C17orf78: variants seen among roughly 807,000 people sequenced by gnomAD.
The protein encoded by C17orf78 is uncharacterized protein C17orf78.
A neutral mutation model predicts 31.8 loss-of-function variants in C17orf78; 27 were observed. The ratio of observed to expected loss-of-function variants is 0.85; its 90% CI spans 0.63 to 1.17. The LOEUF is 1.17. Ranked by LOEUF, C17orf78 falls within the 50% of genes most tolerant of loss-of-function variation. C17orf78 has a pLI of 0.00. For missense variants in C17orf78, 258 were observed against 315.2 expected, an observed-to-expected ratio of 0.82 and a Z score of 1.37; for synonymous variants, 106 against 115.1, an observed-to-expected ratio of 0.92 and a Z score of 0.51.
At chr17:37,383,930 C>A (rs2050414700) in intron 3 of C17orf78, among the ~76,000 whole-genome samples, 1 of 152,160 alleles carries the variant, frequency 6.6e-6, no homozygotes, top group African/African-American at 2.4e-5. Flanking sequence ...GAATTTAAAT[C>A]TCCACTCAAT....
At chr17:37,379,619 T>A (rs886682844) in intron 3 of C17orf78, among the ~76,000 whole-genome samples, 1 of 151,924 alleles carries the variant, frequency 6.6e-6, no homozygotes, top group African/African-American at 2.4e-5. Context: ...GCAAAGGACA[T>A]GAACAGACAC....
At chr17:37,385,958 G>T (rs1290948398) in intron 3 of C17orf78, 51 bp from the exon 4 acceptor site, 3 of 1,248,378 alleles carry the variant, frequency 2.4e-6, no homozygotes, top group Non-Finnish European at 3.4e-6. Context: ...AAAACCAAAG[G>T]CAGGATAAAG....
chr17:37,381,840 G>A lies in C17orf78; in HGVS notation c.391+2458G>A, dbSNP rs1053573394. Among the ~76,000 whole-genome samples the A allele has an allele frequency of 3.3e-5, 5 of 151,562 alleles. No homozygotes were observed. The South Asian group carries it at 1.0e-3, about 31-fold the overall frequency. On this transcript the variant is annotated intron_variant, in intron 3 of 6. Coordinates refer to ENST00000615133, the MANE Select transcript of C17orf78 (RefSeq NM_173625.5). Reference sequence around the variant, plus strand: ...GATGGGGTTTCACCGTGTTGGCCAGGATGGTCTCGATCGCCTGACCTTGTG... The same window carrying A: ...GATGGGGTTTCACCGTGTTGGCCAGAATGGTCTCGATCGCCTGACCTTGTG...
At chr17:37,381,367 G>A (rs922891693) in intron 3 of C17orf78, among the ~76,000 whole-genome samples, 1 of 151,802 alleles carries the variant, frequency 6.6e-6, no homozygotes, top group African/African-American at 2.4e-5. Context: ...TGTATTTTTA[G>A]TAGAGACAAG....
chr17:37,380,628 C>T (rs1471003893), intron 3 of C17orf78, among the ~76,000 whole-genome samples: 1 of 151,756 alleles, frequency 6.6e-6, no homozygotes. Flanking sequence ...GATGGTGTCT[C>T]GTTCTGTCAC....
At chr17:37,380,650 T>C (rs1173242338) in intron 3 of C17orf78, among the ~76,000 whole-genome samples, 2 of 152,032 alleles carry the variant, frequency 1.3e-5, no homozygotes, top group Non-Finnish European at 2.9e-5. Context: ...CAGGTTGGAG[T>C]CCAGTGGTGC....
Position 37,391,680 on chromosome 17 carries a change from A to G in C17orf78, c.784A>G (p.Lys262Glu), listed in dbSNP as rs763731731. 3.1e-6 allele frequency: 5 copies of G among 1,613,952 alleles called. No homozygotes were observed. The South Asian group carries it at 3.3e-5, about 11-fold the overall frequency. ...AGATGCTGCCAATTCATCAAACCCAAAGAAAGCTGCAGAGATCACTGTTAT... is the reference window on the plus strand; with the variant it reads ...AGATGCTGCCAATTCATCAAACCCAGAGAAAGCTGCAGAGATCACTGTTAT... ...GQDAANSSNPKKAAEITVIHQ... is the reference protein window; with the variant it reads ...GQDAANSSNPEKAAEITVIHQ... Residue 262 changes from lysine (K) to glutamate (E), a missense_variant, in exon 7 of 7, where the codon AAG becomes GAG. By Grantham distance (56) the Lys-to-Glu change is moderately conservative. Coordinates refer to ENST00000615133, the MANE Select transcript of C17orf78 (RefSeq NM_173625.5).
chr17:37,390,312 A>ATTATATAT (rs1568096142), intron 6 of C17orf78, among the ~76,000 whole-genome samples: 1 of 42,908 alleles, frequency 2.3e-5, no homozygotes, highest in Non-Finnish European at 3.5e-5. Flanking sequence ...AATTATATAT[A>ATTATATAT]TATATATATA....
intron 1 of C17orf78, among the ~76,000 whole-genome samples, chr17:37,376,794 A>C (rs1410240614): frequency 6.6e-6 from 1 of 152,150 alleles, no homozygotes; most frequent in South Asian, 2.1e-4. Context: ...ATCTCTACTA[A>C]AAGTGCAAAA....
At chr17:37,380,332 G>A (rs895689221) in intron 3 of C17orf78, among the ~76,000 whole-genome samples, 3 of 150,862 alleles carry the variant, frequency 2.0e-5, no homozygotes, top group East Asian at 2.0e-4. Context: ...GCTAGATGAC[G>A]AGTTAGTGGG....
chr17:37,377,121 T>G (rs1425251332), intron 1 of C17orf78, among the ~76,000 whole-genome samples: 1 of 152,160 alleles, frequency 6.6e-6, no homozygotes, highest in Non-Finnish European at 1.5e-5. Context: ...TGTGGAAACC[T>G]ATAGAGATAC....
At chr17:37,385,963 A>G (rs199711693) in intron 3 of C17orf78, 46 bp from the exon 4 acceptor site, 2 of 1,311,958 alleles carry the variant, frequency 1.5e-6, no homozygotes, top group Non-Finnish European at 2.1e-6. Flanking sequence ...CAAAGGCAGG[A>G]TAAAGTTTTC....
chr17:37,388,654 C>A lies in C17orf78; in HGVS notation c.509-16C>A. 6.2e-7 allele frequency: 1 copy of A among 1,609,854 alleles called. No homozygotes were observed. The highest frequency in any genetic ancestry group is 1.1e-5 in the South Asian group (1 of 90,376). On this transcript the variant is annotated splice_polypyrimidine_tract_variant and intron_variant, in intron 4 of 6. Transcript: ENST00000615133. Reference sequence around the variant, plus strand: ...AATTTTCTTTTCTCCCTCTTCCACTCCCCTCTCTCCTTTAGACACAGATGA... The same window carrying A: ...AATTTTCTTTTCTCCCTCTTCCACTACCCTCTCTCCTTTAGACACAGATGA...
rs1386032855 is a variant in C17orf78, at chr17:37,390,330, A to ATATATATATATATATATATC, written c.750+972_750+973insTATATATATATATATCTATA. ...TATATATATATATATATATATATATATATAAAAGGCCAGCTGGGCCGGGCA... is the reference window on the plus strand; with the variant it reads ...TATATATATATATATATATATATATATATATATATATATATATATCTATAAAAGGCCAGCTGGGCCGGGCA... On this transcript the variant is annotated intron_variant, in intron 6 of 6. Coordinates refer to ENST00000615133, the MANE Select transcript of C17orf78 (RefSeq NM_173625.5). Among the ~76,000 whole-genome samples, 229 of 41,448 alleles carry ATATATATATATATATATATC rather than the reference A, an allele frequency of 5.5e-3. 20 individuals carry two copies. Among genetic ancestry groups the ATATATATATATATATATATC allele is most frequent in the African/African-American group, 9.1e-3 (71 of 7,814 alleles). The allele number at this position is 41,448 out of a possible 152,430, so 27.2% of individuals were successfully genotyped here.
At chr17:37,388,534 A>C in intron 4 of C17orf78, 136 bp from the exon 5 acceptor site, 1 of 1,036,700 alleles carries the variant, frequency 9.6e-7, no homozygotes, top group Non-Finnish European at 1.4e-6. Flanking sequence ...TTTGAATTGG[A>C]AATTCTGCCT....
chr17:37,376,285 C>T, intron 1 of C17orf78, 135 bp downstream of exon 1: 1 of 691,542 alleles, frequency 1.4e-6, no homozygotes, highest in South Asian at 1.8e-5. Flanking sequence ...CCCATGTATC[C>T]ACTCGCCTCT....
At chr17:37,376,441 T>C (rs2050005574) in intron 1 of C17orf78, among the ~76,000 whole-genome samples, 1 of 152,196 alleles carries the variant, frequency 6.6e-6, no homozygotes, top group Non-Finnish European at 1.5e-5. Flanking sequence ...TCTTTAGAGT[T>C]TCAGTATTGT....
chr17:37,377,713 T>C (rs2050069062), intron 1 of C17orf78, among the ~76,000 whole-genome samples, 166 bp from the exon 2 acceptor site: 1 of 151,440 alleles, frequency 6.6e-6, no homozygotes, highest in Non-Finnish European at 1.5e-5. Flanking sequence ...AAAAGTAAAG[T>C]CTTTTTAGAG....
chr17:37,377,662 T>TC (rs2050062665), intron 1 of C17orf78, among the ~76,000 whole-genome samples: 1 of 32,870 alleles, frequency 3.0e-5, no homozygotes, highest in African/African-American at 1.6e-4. Flanking sequence ...TCCGTCTCAA[T>TC]AAATAAATAA....
Sources: allele counts gnomAD v4.1 joint callset (sites outside exome capture counted in the v4.1 genomes callset), GRCh38; gene constraint gnomAD v4.1.1; transcripts MANE v1.5; gene names NCBI Gene and HGNC (gene_info 2026-07-23, HGNC 2026-07-21).